MYO7B: variants seen among roughly 807,000 people sequenced by gnomAD.
MYO7B encodes unconventional myosin-VIIb.
In MYO7B, 212 loss-of-function variants were observed where a neutral mutation model predicts 259.7. The observed-to-expected ratio is 0.82, with a 90% CI of 0.73 to 0.91. The LOEUF (loss-of-function observed/expected upper bound fraction) is 0.91. Among genes scored for constraint, MYO7B ranks in the 40% least tolerant of loss-of-function variants. The pLI, the probability that MYO7B is intolerant of heterozygous loss-of-function variation, is 0.00. For synonymous variants in MYO7B, 1,197 were observed against 1,166.4 expected (o/e 1.03, Z -0.54); for missense variants, 2,732 against 2,813.5 (o/e 0.97, Z 0.66).
Position 127,620,456 on chromosome 2 carries a change from G to A in MYO7B, c.3515G>A (p.Arg1172Lys). The change falls in exon 27 of 48, where the codon AGG becomes AAG. Residue 1172 changes from arginine to lysine, a missense_variant. Arg to Lys is a conservative substitution (Grantham distance 26). This residue lies in a region of MYO7B where 1,906 missense variants were observed against 2,026.4 expected (regional missense o/e 0.94). Transcript: ENST00000409816. ...CTCGGCTGCTTCCCACCCTCAGAGA[G>A]GTTCATGAAGGTGAGAGGGTTCATG... is the stretch of plus-strand genomic sequence containing the variant. The part of the protein sequence containing the change: ...LCLGCFPPSE[R>K]FMKYLLNFIG... The A allele has an allele frequency of 6.3e-7, 1 of 1,585,886 alleles. No homozygotes were observed. Among genetic ancestry groups the A allele is most frequent in the Non-Finnish European group, 8.6e-7 (1 of 1,161,450 alleles).
At chr2:127,596,684 A>G (rs948544765) in intron 19 of MYO7B, 128 bp downstream of exon 19, 34 of 724,002 alleles carry the variant, frequency 4.7e-5, no homozygotes, top group African/African-American at 1.2e-4. Flanking sequence ...AGATCTTCCA[A>G]TGCCTTCCAA....
intron 47 of MYO7B, 170 bp from the exon 48 acceptor site, chr2:127,637,146 C>CTGCTTG: frequency 1.1e-6 from 1 of 911,658 alleles, no homozygotes; most frequent in Non-Finnish European, 1.7e-6. Context: ...GGAGGGAGAC[C>CTGCTTG]CAGCTCCAGC....
At chr2:127,583,914 G>A (rs967914255) in intron 12 of MYO7B, among the ~76,000 whole-genome samples, 1 of 151,976 alleles carries the variant, frequency 6.6e-6, no homozygotes, top group Non-Finnish European at 1.5e-5. Context: ...TTTGACGTGG[G>A]GTGGAGAAGG....
At chr2:127,572,871 G>T (rs999556191) in intron 6 of MYO7B, among the ~76,000 whole-genome samples, 3 of 151,804 alleles carry the variant, frequency 2.0e-5, no homozygotes, top group African/African-American at 2.4e-5. Context: ...TTCAAACTTG[G>T]CTATTCTAGG....
At chr2:127,632,937 C>T (rs1297824109) in intron 39 of MYO7B, among the ~76,000 whole-genome samples, 1 of 152,192 alleles carries the variant, frequency 6.6e-6, no homozygotes, top group African/African-American at 2.4e-5. Context: ...GCCAGAGTCC[C>T]TGGCCCCTGC....
At position 127,576,784 on chromosome 2, in the gene MYO7B, G is replaced by C. The variant is rs1244898387; in HGVS notation, c.849+76G>C. On this transcript the variant is annotated intron_variant, in intron 8 of 47. Transcript: ENST00000409816. The surrounding 1 kb of genome is among the most constrained non-coding windows in gnomAD (Gnocchi z 4.9). ...GAGCTTGTGCCGCTCCACCCTCCGC[G>C]ACAGCTGCAGAGAAGCCCAACGCTG... 67 of 1,082,536 alleles carry C rather than the reference G, an allele frequency of 6.2e-5. No homozygotes were observed. The highest frequency in any genetic ancestry group is 8.9e-5 in the Non-Finnish European group (66 of 745,488). 67.1% of individuals were successfully genotyped at this position (1,082,536 alleles called of 1,614,324 possible). A position where few individuals can be genotyped will look rare whatever the true frequency, so the allele number is the denominator to read the frequency against.
At chr2:127,620,023 C>T (rs1680765978) in intron 26 of MYO7B, 1 of 207,282 alleles carries the variant, frequency 4.8e-6, no homozygotes, top group African/African-American at 2.3e-5. Context: ...GGATCCCGCA[C>T]ATCTGGGAGC....
Position 127,635,878 on chromosome 2 carries a change from C to G in MYO7B, c.5977C>G (p.Arg1993Gly). ...LRELVPENLT[R>G]LMSSEEWKKS... ...GGAACTGGTGCCTGAGAACCTCACA[C>G]GCCTGATGTCCTCGGAGGAGTGGAA... Residue 1993 changes from arginine (R) to glycine (G), a missense_variant, in exon 44 of 48, where the codon CGC (arginine) becomes GGC (glycine). Physicochemically the swap from Arg to Gly is moderately radical, Grantham distance 125. Coordinates refer to ENST00000409816, the MANE Select transcript of MYO7B (RefSeq NM_001393586.1). 2.5e-6 allele frequency: 4 copies of G among 1,580,280 alleles called. No homozygotes were observed. The highest frequency in any genetic ancestry group is 3.4e-6 in the Non-Finnish European group (4 of 1,163,602).
chr2:127,637,076 C>A, intron 47 of MYO7B, 163 bp downstream of exon 47: 1 of 1,309,322 alleles, frequency 7.6e-7, no homozygotes, highest in South Asian at 1.3e-5. Flanking sequence ...TCCCCAGGAC[C>A]AGCAGCCAAG....
In MYO7B at chr2:127,636,443, C is replaced by T. The variant is rs757460869; in HGVS notation, c.6124-102C>T. The T allele has an allele frequency of 7.1e-6, 10 of 1,416,766 alleles. 1 individual carries two copies. Among genetic ancestry groups the T allele is most frequent in the South Asian group, 3.6e-5 (3 of 84,026 alleles). The allele number at this position is 1,416,766 out of a possible 1,614,324, so 87.8% of individuals were successfully genotyped here. A position where few individuals can be genotyped will look rare whatever the true frequency, so the allele number is the denominator to read the frequency against. ...TGGGGCTGGCCGTGAGGCTGGAGGG[C>T]GTGGGTGTATGTGTGTATGTGCGTG... On this transcript the variant is annotated intron_variant, in intron 45 of 47. Coordinates refer to ENST00000409816, the MANE Select transcript of MYO7B (RefSeq NM_001393586.1). This position sits in a 1 kb window ranked among gnomAD's most constrained non-coding sequence, Gnocchi z 4.5.
chr2:127,629,821 C>G lies in MYO7B; in HGVS notation c.4801C>G (p.Leu1601Val), dbSNP rs771581815. Residue 1601 changes from leucine to valine, a missense_variant, in exon 35 of 48, where the codon CTG becomes GTG. Physicochemically the swap from Leu to Val is conservative, Grantham distance 32 (BLOSUM62 1). Transcript: ENST00000409816. ...CACGGTCACTAAGCCCTCGGCACAG[C>G]TGCTGGTAACTGGCACGCTCCCCTG... Reference protein sequence around the residue: ...IPTVTKPSAQLLSLLAMSPEK... With the variant: ...IPTVTKPSAQVLSLLAMSPEK... The G allele has an allele frequency of 1.9e-6, 3 of 1,557,934 alleles. No individual in the cohort carries two copies. Among genetic ancestry groups the G allele is most frequent in the Non-Finnish European group, 2.6e-6 (3 of 1,149,750 alleles).
In MYO7B at chr2:127,631,370, T is replaced by C. The variant is rs1681497945; in HGVS notation, c.5095+7T>C. The C allele has an allele frequency of 6.2e-7, 1 of 1,601,044 alleles. No homozygotes were observed. Among genetic ancestry groups the C allele is most frequent in the Non-Finnish European group, 8.5e-7 (1 of 1,170,752 alleles). ...GCCTGCCAGATCTTTGTCGATATCCTTCCCCACCAGCCTGCCTGCACCTCG... is the reference window on the plus strand; with the variant it reads ...GCCTGCCAGATCTTTGTCGATATCCCTCCCCACCAGCCTGCCTGCACCTCG... On this transcript the variant is annotated splice_region_variant and intron_variant, in intron 37 of 47. Transcript: ENST00000409816.
chr2:127,627,770 T>C lies in MYO7B; in HGVS notation c.4460+460T>C. ...TGACCCCCACTCCCATGGGTCTCCA[T>C]GGATCTCATTGACTGGGAACTTTTC... On this transcript the variant is annotated intron_variant, in intron 33 of 47. Transcript: ENST00000409816. The surrounding 1 kb of genome is among the most constrained non-coding windows in gnomAD (Gnocchi z 5.6). The C allele has an allele frequency of 2.2e-6, 1 of 458,090 alleles. No individual in the cohort carries two copies. Among genetic ancestry groups the C allele is most frequent in the South Asian group, 1.5e-5 (1 of 64,582 alleles). The allele number at this position is 458,090 out of a possible 1,614,324, so 28.4% of individuals were successfully genotyped here.
intron 42 of MYO7B, 149 bp downstream of exon 42, chr2:127,634,832 C>G (rs987094666): frequency 1.3e-6 from 1 of 760,254 alleles, no homozygotes; most frequent in African/African-American, 1.7e-5. Context: ...TGGGGCCCGG[C>G]GGTGAGGGCC....
Position 127,609,262 on chromosome 2 carries a change from C to T in MYO7B, c.2815-244C>T, listed in dbSNP as rs898824223. 2.0e-5 allele frequency among the ~76,000 whole-genome samples: 3 copies of T among 151,094 alleles called. No individual in the cohort carries two copies. Among genetic ancestry groups the T allele is most frequent in the African/African-American group, 4.9e-5 (2 of 41,090 alleles). ...TGCGGCAGAGGACACAGTGTCTGAG[C>T]GTGGGGCCAGGAGGGGAGAGGGCAG... is the stretch of plus-strand genomic sequence containing the variant. On this transcript the variant is annotated intron_variant, in intron 22 of 47. Coordinates refer to ENST00000409816, the MANE Select transcript of MYO7B (RefSeq NM_001393586.1). This position sits in a 1 kb window ranked among gnomAD's most constrained non-coding sequence, Gnocchi z 6.9.
chr2:127,625,480 A>G lies in MYO7B; in HGVS notation c.4160A>G (p.Tyr1387Cys). The G allele has an allele frequency of 1.2e-6, 2 of 1,612,154 alleles. No homozygotes were observed. Among genetic ancestry groups the G allele is most frequent in the Non-Finnish European group, 1.7e-6 (2 of 1,179,572 alleles). ...LLPSCIPHKL[Y>C]RTKPPDRWAS... The stretch of plus-strand genomic sequence containing the variant: ...CCCAGCTGCATCCCCCACAAGCTGT[A>G]CAGGACCAAGCCCCCAGACAGGTGG... Residue 1387 changes from tyrosine (Y) to cysteine (C), a missense_variant, in exon 31 of 48, where the codon TAC (tyrosine) becomes TGC (cysteine). Tyr to Cys is a radical substitution (Grantham distance 194). This residue lies in a region of MYO7B where 1,906 missense variants were observed against 2,026.4 expected (regional missense o/e 0.94). Coordinates refer to ENST00000409816, the MANE Select transcript of MYO7B (RefSeq NM_001393586.1).
intron 1 of MYO7B, among the ~76,000 whole-genome samples, chr2:127,553,167 T>C (rs954727144): frequency 1.2e-4 from 19 of 152,238 alleles, no homozygotes; most frequent in Non-Finnish European, 2.4e-4. Context: ...TATGGCCTTA[T>C]AAGATAGTTT....
In MYO7B at chr2:127,630,828, G is replaced by T. The variant is rs1245841193; in HGVS notation, c.4857G>T (p.Gly1619=). Reference sequence around the variant, plus strand: ...AGAGGAAGCTGGCGGCTCAGGAGGGGCAGTTCACAGAGCCACGTCCTGAGG... The same window carrying T: ...AGAGGAAGCTGGCGGCTCAGGAGGGTCAGTTCACAGAGCCACGTCCTGAGG... ...PEKRKLAAQE[G]QFTEPRPEEP... is the part of the protein sequence containing the mutation. Residue 1619 remains glycine, a synonymous_variant, in exon 36 of 48, where the codon GGG becomes GGT. Transcript: ENST00000409816. The T allele has an allele frequency of 6.2e-7, 1 of 1,612,986 alleles. No homozygotes were observed. Among genetic ancestry groups the T allele is most frequent in the Non-Finnish European group, 8.5e-7 (1 of 1,179,734 alleles).
chr2:127,637,277 C>T, intron 47 of MYO7B, 39 bp from the exon 48 acceptor site: 1 of 1,483,122 alleles, frequency 6.7e-7, no homozygotes, highest in Non-Finnish European at 9.2e-7. Context: ...CACCTGCCCT[C>T]TGCACCCACA....
Sources: allele counts gnomAD v4.1 joint callset (sites outside exome capture counted in the v4.1 genomes callset), GRCh38; gene constraint gnomAD v4.1.1; regional missense constraint gnomAD v4.1.1; non-coding constraint Gnocchi (gnomAD v3.1); transcripts MANE v1.5; gene names NCBI Gene and HGNC (gene_info 2026-07-23, HGNC 2026-07-21).